The following ANKRD46 variants were observed in gnomAD, a reference collection of about 807,000 sequenced individuals.
ANKRD46 encodes the protein ankyrin repeat domain-containing protein 46.
A neutral mutation model predicts 19.8 loss-of-function variants in ANKRD46; 13 were observed. That is an observed-to-expected ratio of 0.66 (90% confidence interval 0.43 to 1.04). The LOEUF (loss-of-function observed/expected upper bound fraction) is 1.04. Among genes scored for constraint, ANKRD46 ranks in the 50% least tolerant of loss-of-function variants. The pLI is 0.00. For missense variants in ANKRD46, 185 were observed against 274.8 expected, an observed-to-expected ratio of 0.67 and a Z score of 2.31; for synonymous variants, 91 against 106.9, an observed-to-expected ratio of 0.85 and a Z score of 0.92.
Position 100,541,769 on chromosome 8 carries a change from T to A in ANKRD46, c.-130-8458A>T, listed in dbSNP as rs1586795580. 2.6e-5 allele frequency among the ~76,000 whole-genome samples: 4 copies of A among 152,344 alleles called. No homozygotes were observed. The Middle Eastern group carries it at 0.014, about 518-fold the overall frequency. ...TGCAGTCATACACTGCATAATGACA[T>A]TTTGGTCAACGACGGACTGCATATA... On this transcript the variant is annotated intron_variant, in intron 1 of 4. Coordinates refer to ENST00000335659, the MANE Select transcript of ANKRD46 (RefSeq NM_001270377.2).
intron 1 of ANKRD46, among the ~76,000 whole-genome samples, chr8:100,553,149 C>T (rs1035896216): frequency 3.9e-5 from 6 of 152,060 alleles, no homozygotes; most frequent in Admixed American, 2.0e-4. Flanking sequence ...AGGAGATAAC[C>T]GAAAAACAAG....
At chr8:100,531,132 A>G (rs1811954850) in intron 2 of ANKRD46, among the ~76,000 whole-genome samples, 1 of 152,232 alleles carries the variant, frequency 6.6e-6, no homozygotes, top group Non-Finnish European at 1.5e-5. Context: ...TTTAAGAAAG[A>G]GTTAAAGCCT....
chr8:100,549,899 G>C (rs1328064014), intron 1 of ANKRD46, among the ~76,000 whole-genome samples: 1 of 152,040 alleles, frequency 6.6e-6, no homozygotes. Flanking sequence ...CTATAATTTT[G>C]CCTTTTCCAG....
chr8:100,539,543 T>TA (rs1812133510), intron 1 of ANKRD46, among the ~76,000 whole-genome samples: 2 of 152,392 alleles, frequency 1.3e-5, no homozygotes, highest in South Asian at 4.1e-4. Flanking sequence ...GATGTAGCTC[T>TA]ACCACAGACA....
downstream of ANKRD46, among the ~76,000 whole-genome samples, chr8:100,516,641 T>A (rs1156576898): frequency 6.6e-6 from 1 of 152,240 alleles, no homozygotes; most frequent in Non-Finnish European, 1.5e-5. Flanking sequence ...TTACAGTTGC[T>A]TGTGGTGAAA....
Position 100,510,439 on chromosome 8 carries a change from C to T in ANKRD46, c.*138G>A. ...CAGGTGGTAGCAGGTCCCTCTGCCT[C>T]CTAACTGCAGAGCTTTGAGATGATG... On this transcript the variant is annotated 3_prime_UTR_variant, in exon 6 of 6. Transcript: ENST00000520552. This position sits in a 1 kb window ranked among gnomAD's most constrained non-coding sequence, Gnocchi z 4.9. The T allele has an allele frequency of 1.3e-6, 1 of 779,586 alleles. No individual in the cohort carries two copies. The highest frequency in any genetic ancestry group is 1.9e-6 in the Non-Finnish European group (1 of 529,848). 48.3% of individuals were successfully genotyped at this position (779,586 alleles called of 1,614,324 possible).
chr8:100,529,917 A>G lies in ANKRD46; in HGVS notation c.-27-57T>C. ...AAGACAAATGAAATCAAGACAAAGG[A>G]GTCATTTAGAAAAGCAATATTTCTC... On this transcript the variant is annotated intron_variant, in intron 2 of 4. Coordinates refer to ENST00000335659, the MANE Select transcript of ANKRD46 (RefSeq NM_001270377.2). This position sits in a 1 kb window ranked among gnomAD's most constrained non-coding sequence, Gnocchi z 5.8. 1.4e-6 allele frequency: 2 copies of G among 1,391,630 alleles called. No individual in the cohort carries two copies. Among genetic ancestry groups the G allele is most frequent in the South Asian group, 2.9e-5 (2 of 68,952 alleles). 86.2% of individuals were successfully genotyped at this position (1,391,630 alleles called of 1,614,324 possible).
chr8:100,520,768 G>C (rs979748413), downstream of ANKRD46: 4 of 785,312 alleles, frequency 5.1e-6, no homozygotes, highest in Non-Finnish European at 6.1e-6. Flanking sequence ...AAGAGAAATC[G>C]TGATTAAGGG....
chr8:100,557,744 T>C lies in ANKRD46; in HGVS notation c.-131+1967A>G. On this transcript the variant is annotated intron_variant, in intron 1 of 4. Coordinates refer to ENST00000335659, the MANE Select transcript of ANKRD46 (RefSeq NM_001270377.2). This position sits in a 1 kb window ranked among gnomAD's most constrained non-coding sequence, Gnocchi z 5.9. ...ACAAGACTGAAGGGTTCTGGGCTTT[T>C]GCCCTTGCTTGGTATGCTCTTTCCC... 6.6e-6 allele frequency among the ~76,000 whole-genome samples: 1 copy of C among 152,162 alleles called. No individual in the cohort carries two copies. Among genetic ancestry groups the C allele is most frequent in the Non-Finnish European group, 1.5e-5 (1 of 68,024 alleles).
intron 1 of ANKRD46, among the ~76,000 whole-genome samples, chr8:100,553,645 A>C (rs1366936202): frequency 6.6e-6 from 1 of 152,150 alleles, no homozygotes; most frequent in African/African-American, 2.4e-5. Context: ...GCTACTTGGG[A>C]GGCTGAGACA....
chr8:100,545,847 TA>T lies in ANKRD46; in HGVS notation c.-130-12537del, dbSNP rs1370026602. On this transcript the variant is annotated intron_variant, in intron 1 of 4. Transcript: ENST00000335659. The surrounding 1 kb of genome is among the most constrained non-coding windows in gnomAD (Gnocchi z 4.7). ...ATGAGGGACTTTTTGGGAACTGGAG[TA>T]AAGGTCACTCATGCTATGCTTTAGC... is the stretch of plus-strand genomic sequence containing the variant. Among the ~76,000 whole-genome samples the T allele has an allele frequency of 6.6e-6, 1 of 152,106 alleles. No homozygotes were observed. Among genetic ancestry groups the T allele is most frequent in the East Asian group, 1.9e-4 (1 of 5,194 alleles).
intron 1 of ANKRD46, among the ~76,000 whole-genome samples, chr8:100,548,473 GTTC>G (rs1812316761): frequency 6.6e-6 from 1 of 152,242 alleles, no homozygotes; most frequent in South Asian, 2.1e-4. Flanking sequence ...TTTTGTTCGT[GTTC>G]TTATTATAAT....
At chr8:100,555,433 T>A in intron 1 of ANKRD46, among the ~76,000 whole-genome samples, 1 of 140,800 alleles carries the variant, frequency 7.1e-6, no homozygotes, top group African/African-American at 2.6e-5. Flanking sequence ...ATACAAAAAA[T>A]TAAGAACTCA....
chr8:100,519,753 G>A (rs1393146249), downstream of ANKRD46, among the ~76,000 whole-genome samples: 1 of 152,162 alleles, frequency 6.6e-6, no homozygotes, highest in South Asian at 2.1e-4. Context: ...CCACAGGTGA[G>A]GGGGCTCCAC....
chr8:100,516,064 G>T (rs1278535007), downstream of ANKRD46, among the ~76,000 whole-genome samples: 1 of 152,032 alleles, frequency 6.6e-6, no homozygotes, highest in Non-Finnish European at 1.5e-5. Flanking sequence ...TAGAAATGGG[G>T]TTTCTCCACA....
rs929853881 is a variant in ANKRD46, at chr8:100,546,277, GA to G, written c.-130-12967del. 6.6e-6 allele frequency among the ~76,000 whole-genome samples: 1 copy of G among 152,218 alleles called. No individual in the cohort carries two copies. Among genetic ancestry groups the G allele is most frequent in the African/African-American group, 2.4e-5 (1 of 41,472 alleles). On this transcript the variant is annotated intron_variant, in intron 1 of 4. Coordinates refer to ENST00000335659, the MANE Select transcript of ANKRD46 (RefSeq NM_001270377.2). The surrounding 1 kb of genome is among the most constrained non-coding windows in gnomAD (Gnocchi z 4.0). Reference sequence around the variant, plus strand: ...ATCACAGGCCACAAGGCCTAGGAGGGAAAAAATGGTTTTGTGGGCTGGGATC... The same window carrying G: ...ATCACAGGCCACAAGGCCTAGGAGGGAAAAATGGTTTTGTGGGCTGGGATC...
intron 5 of ANKRD46, among the ~76,000 whole-genome samples, chr8:100,512,953 G>A (rs117837513): frequency 0.011 from 1,691 of 152,248 alleles, 9 homozygotes; most frequent in Non-Finnish European, 0.018. Context: ...AGAGATCTCT[G>A]GGCTCTATTG....
At chr8:100,556,313 G>A (rs1268504561) in intron 1 of ANKRD46, among the ~76,000 whole-genome samples, 2 of 152,092 alleles carry the variant, frequency 1.3e-5, no homozygotes, top group African/African-American at 4.8e-5. Context: ...GAGCCACTTC[G>A]CCCAGCCCAC....
Position 100,547,677 on chromosome 8 carries a change from C to A in ANKRD46, c.-131+12034G>T, listed in dbSNP as rs188358302. Among the ~76,000 whole-genome samples the A allele has an allele frequency of 4.5e-4, 69 of 152,286 alleles. 1 individual carries two copies. The highest frequency in any genetic ancestry group is 7.9e-4 in the Non-Finnish European group (54 of 68,024). On this transcript the variant is annotated intron_variant, in intron 1 of 4. Transcript: ENST00000335659. ...GCACTCCATACATATACTCCAGACA[C>A]TGCTCCAAAATTCTCTGCCAATGGT... is the stretch of plus-strand genomic sequence containing the variant.
Sources: allele counts gnomAD v4.1 joint callset (sites outside exome capture counted in the v4.1 genomes callset), GRCh38; gene constraint gnomAD v4.1.1; non-coding constraint Gnocchi (gnomAD v3.1); transcripts MANE v1.5; gene names NCBI Gene and HGNC (gene_info 2026-07-23, HGNC 2026-07-21).